PREX2: variants seen among roughly 807,000 people sequenced by gnomAD.
The protein encoded by PREX2 is phosphatidylinositol-3,4,5-trisphosphate dependent Rac exchange factor 2.
In PREX2, 107 loss-of-function variants were observed where a neutral mutation model predicts 203.2. That is an observed-to-expected ratio of 0.53 (90% confidence interval 0.45 to 0.62). The LOEUF (loss-of-function observed/expected upper bound fraction) is 0.62. Among genes scored for constraint, PREX2 ranks in the 20% least tolerant of loss-of-function variants. The probability of loss-of-function intolerance (pLI) is 0.00; values close to 1 mark genes in which losing one functional copy is unlikely to be tolerated. For synonymous variants in PREX2, 672 were observed against 663.6 expected (o/e 1.01, Z -0.19); for missense variants, 1,777 against 1,955.9 (o/e 0.91, Z 1.72).
chr8:68,071,433 T>G (rs2129611635), intron 13 of PREX2, among the ~76,000 whole-genome samples: 1 of 152,290 alleles, frequency 6.6e-6, no homozygotes. Context: ...GGTGATGAGG[T>G]GTCAGAAACA....
At chr8:68,231,220 T>A (rs778154777) in intron 39 of PREX2, 113 bp from the exon 40 acceptor site, 4 of 709,344 alleles carry the variant, frequency 5.6e-6, no homozygotes, top group Non-Finnish European at 8.5e-6. Flanking sequence ...GACAATCCGA[T>A]CATGACTCAC....
intron 1 of PREX2, among the ~76,000 whole-genome samples, chr8:67,962,605 ATTTTTT>A (rs11309279): frequency 6.8e-6 from 1 of 147,378 alleles, no homozygotes; most frequent in Non-Finnish European, 1.5e-5. Context: ...TATATATTTT[ATTTTTT>A]TTTTTATTTT....
intron 3 of PREX2, among the ~76,000 whole-genome samples, chr8:68,021,711 TA>T (rs1807572588): frequency 6.6e-6 from 1 of 152,198 alleles, no homozygotes; most frequent in Non-Finnish European, 1.5e-5. Context: ...CAAGAATATG[TA>T]TGTAATTTCT....
chr8:68,102,462 T>C (rs1810291556), intron 23 of PREX2, among the ~76,000 whole-genome samples: 1 of 152,170 alleles, frequency 6.6e-6, no homozygotes, highest in African/African-American at 2.4e-5. Context: ...TCTTTTCAAT[T>C]TGAATAAGAT....
At chr8:68,047,504 TATACACATAC>T (rs1344284923) in intron 8 of PREX2, among the ~76,000 whole-genome samples, 2 of 45,960 alleles carry the variant, frequency 4.4e-5, no homozygotes, top group African/African-American at 1.7e-4. Context: ...TATATATATA[TATACACATAC>T]ATATATATAT....
chr8:68,189,105 G>A (rs1250674713), intron 35 of PREX2, among the ~76,000 whole-genome samples: 18 of 152,164 alleles, frequency 1.2e-4, no homozygotes, highest in Admixed American at 4.6e-4. Context: ...TTTAAAAGGT[G>A]AAGCAAAAGA....
intron 23 of PREX2, among the ~76,000 whole-genome samples, chr8:68,104,344 C>T (rs11990402): frequency 0.023 from 3,510 of 152,248 alleles, 114 homozygotes; most frequent in African/African-American, 0.071. Context: ...TCCCTGCCTG[C>T]ATTGCTTCTC....
At chr8:68,112,475 C>T (rs1413608909) in intron 25 of PREX2, among the ~76,000 whole-genome samples, 2 of 151,454 alleles carry the variant, frequency 1.3e-5, no homozygotes, top group Non-Finnish European at 2.9e-5. Context: ...GTTAGTAACC[C>T]GGGGGTTACA....
chr8:68,115,930 C>G lies in PREX2; in HGVS notation c.3324C>G (p.Tyr1108Ter), dbSNP rs751396145. The G allele has an allele frequency of 6.3e-7, 1 of 1,593,422 alleles. No homozygotes were observed. Among genetic ancestry groups the G allele is most frequent in the Non-Finnish European group, 8.5e-7 (1 of 1,170,258 alleles). Residue 1108 changes from tyrosine (Y) to a stop codon, truncating the protein, a stop_gained and splice_region_variant, in exon 26 of 40, where the codon TAC becomes TAG. Transcript: ENST00000288368. LOFTEE classifies it high-confidence loss of function. ...GHDTISNRDS[Y>*]SDCNSNRNSI... ...ACACCATCAGCAACAGAGACTCTTACAGGTAATTCACTAATTCCTCAAACT... is the reference window on the plus strand; with the variant it reads ...ACACCATCAGCAACAGAGACTCTTAGAGGTAATTCACTAATTCCTCAAACT...
chr8:68,226,861 A>G (rs752982296), intron 39 of PREX2, among the ~76,000 whole-genome samples: 98 of 152,370 alleles, frequency 6.4e-4, no homozygotes, highest in Non-Finnish European at 1.1e-3. Context: ...AAGAGGTCAC[A>G]GAATACTCCT....
At chr8:68,151,726 G>C (rs1811438907) in intron 34 of PREX2, among the ~76,000 whole-genome samples, 1 of 151,520 alleles carries the variant, frequency 6.6e-6, no homozygotes. Context: ...GATATGTGAT[G>C]CTGGTCTTTT....
intron 1 of PREX2, among the ~76,000 whole-genome samples, chr8:67,988,104 T>A (rs934725962): frequency 2.0e-5 from 3 of 152,228 alleles, no homozygotes; most frequent in African/African-American, 7.2e-5. Flanking sequence ...TACCTTCTAG[T>A]CATAGACTTT....
intron 4 of PREX2, 69 bp downstream of exon 4, chr8:68,022,209 G>C (rs1807589825): frequency 1.3e-6 from 1 of 789,796 alleles, no homozygotes; most frequent in Non-Finnish European, 2.2e-6. Flanking sequence ...CCAAGGAATA[G>C]CATCAATATG....
At chr8:68,188,149 A>G (rs1812226585) in intron 35 of PREX2, among the ~76,000 whole-genome samples, 1 of 152,178 alleles carries the variant, frequency 6.6e-6, no homozygotes, top group Non-Finnish European at 1.5e-5. Context: ...ACCAAACTCA[A>G]CCAAATCACT....
chr8:67,986,613 ATCACTTCTAT>A (rs1197690107), intron 1 of PREX2, among the ~76,000 whole-genome samples: 1 of 152,172 alleles, frequency 6.6e-6, no homozygotes, highest in African/African-American at 2.4e-5. Context: ...TTACATGTGT[ATCACTTCTAT>A]CATATAGTGA....
At chr8:68,171,947 C>T (rs17377173) in intron 35 of PREX2, among the ~76,000 whole-genome samples, 21,297 of 152,072 alleles carry the variant, frequency 0.14, 1,747 homozygotes, top group East Asian at 0.21. Context: ...TTTAAATTAA[C>T]GAGAAACATT....
At chr8:68,222,817 C>G (rs1812982093) in intron 38 of PREX2, among the ~76,000 whole-genome samples, 1 of 152,048 alleles carries the variant, frequency 6.6e-6, no homozygotes, top group Admixed American at 6.5e-5. Context: ...TATCCTGTAT[C>G]CCCTGATAGG....
chr8:68,095,549 G>GTT (rs1810038557), intron 21 of PREX2, among the ~76,000 whole-genome samples: 1 of 145,724 alleles, frequency 6.9e-6, no homozygotes, highest in Non-Finnish European at 1.5e-5. Flanking sequence ...GTGTGTGTGT[G>GTT]TGTGTGTGTA....
chr8:68,217,490 G>A (rs1812865558), intron 37 of PREX2, 126 bp from the exon 38 acceptor site: 1 of 632,698 alleles, frequency 1.6e-6, no homozygotes, highest in Non-Finnish European at 2.8e-6. Flanking sequence ...AGAAAAATCA[G>A]CGGTTCATTG....
Sources: allele counts gnomAD v4.1 joint callset (sites outside exome capture counted in the v4.1 genomes callset), GRCh38; gene constraint gnomAD v4.1.1; transcripts MANE v1.5; gene names NCBI Gene and HGNC (gene_info 2026-07-23, HGNC 2026-07-21).